PEX5L: variants seen among roughly 807,000 people sequenced by gnomAD.
The protein encoded by PEX5L is PEX5-related protein.
A neutral mutation model predicts 84.0 loss-of-function variants in PEX5L; 30 were observed. The ratio of observed to expected loss-of-function variants is 0.36; its 90% CI spans 0.27 to 0.48. The LOEUF (loss-of-function observed/expected upper bound fraction) is 0.48. Ranked by LOEUF, PEX5L falls within the 20% of genes least tolerant of loss-of-function variation. The pLI is 0.99. For missense variants in PEX5L, 533 were observed against 754.6 expected, an observed-to-expected ratio of 0.71 and a Z score of 3.44; for synonymous variants, 270 against 283.1, an observed-to-expected ratio of 0.95 and a Z score of 0.46.
chr3:179,924,217 G>A (rs996472093), intron 2 of PEX5L, among the ~76,000 whole-genome samples: 22 of 152,256 alleles, frequency 1.4e-4, no homozygotes, highest in Non-Finnish European at 2.4e-4. Flanking sequence ...TAGCTCAGCT[G>A]ATACCTGTCT....
At chr3:180,034,894 C>G (rs1025818243) in intron 1 of PEX5L, among the ~76,000 whole-genome samples, 1 of 152,136 alleles carries the variant, frequency 6.6e-6, no homozygotes, top group Non-Finnish European at 1.5e-5. Context: ...ATTAAACCCT[C>G]AGACATTGTT....
At chr3:179,939,466 G>A (rs552154908) in intron 2 of PEX5L, among the ~76,000 whole-genome samples, 6 of 152,280 alleles carry the variant, frequency 3.9e-5, no homozygotes, top group Admixed American at 2.6e-4. Context: ...TGTTCAGAGG[G>A]TTCAGAAGAG....
chr3:179,979,092 C>T (rs947065545), intron 1 of PEX5L, among the ~76,000 whole-genome samples: 6 of 152,116 alleles, frequency 3.9e-5, no homozygotes, highest in Admixed American at 1.3e-4. Context: ...CTTTAAGGGA[C>T]AGTACTTGGC....
chr3:179,922,385 C>T (rs1393601813), intron 2 of PEX5L, among the ~76,000 whole-genome samples: 1 of 151,918 alleles, frequency 6.6e-6, no homozygotes. Context: ...TTAAATGTGC[C>T]AGGAAGATAG....
intron 2 of PEX5L, among the ~76,000 whole-genome samples, chr3:179,968,263 A>G (rs1055976874): frequency 9.2e-5 from 14 of 152,154 alleles, no homozygotes; most frequent in Non-Finnish European, 1.6e-4. Flanking sequence ...GGCTCTAACT[A>G]AAAATAGTAA....
intron 2 of PEX5L, among the ~76,000 whole-genome samples, chr3:179,931,113 GATT>G (rs1772981161): frequency 6.6e-6 from 1 of 152,118 alleles, no homozygotes; most frequent in Non-Finnish European, 1.5e-5. Flanking sequence ...AACTTGTCTA[GATT>G]ATTAAATGTT....
At chr3:179,900,569 T>C in intron 2 of PEX5L, 1 of 780,508 alleles carries the variant, frequency 1.3e-6, no homozygotes, top group South Asian at 1.6e-5. Flanking sequence ...AAACAAAAAT[T>C]AGTCCTTTCA....
At chr3:180,025,033 T>TTTAAA (rs1359314634) in intron 1 of PEX5L, among the ~76,000 whole-genome samples, 1 of 152,200 alleles carries the variant, frequency 6.6e-6, no homozygotes, top group Admixed American at 6.5e-5. Flanking sequence ...GTCCTCCAGA[T>TTTAAA]TTAAAGAGGT....
At chr3:179,862,765 T>A (rs1229954981) in intron 7 of PEX5L, among the ~76,000 whole-genome samples, 1 of 152,142 alleles carries the variant, frequency 6.6e-6, no homozygotes, top group Non-Finnish European at 1.5e-5. Flanking sequence ...AAACACTCCC[T>A]AAAGCAATCT....
intron 7 of PEX5L, among the ~76,000 whole-genome samples, chr3:179,862,585 C>T (rs1268575942): frequency 6.6e-6 from 1 of 151,984 alleles, no homozygotes; most frequent in African/African-American, 2.4e-5. Flanking sequence ...CTTTTGGAAC[C>T]AACTCTATTG....
At position 180,017,612 on chromosome 3, in the gene PEX5L, T is replaced by G. The variant is rs186887867; in HGVS notation, c.21+18967A>C. ...GAGCCATATTTTCAAATACCCATTTTCCATATACTTTATATATAATTATAT... is the reference window on the plus strand; with the variant it reads ...GAGCCATATTTTCAAATACCCATTTGCCATATACTTTATATATAATTATAT... On this transcript the variant is annotated intron_variant, in intron 1 of 14. Transcript: ENST00000467460. 2.0e-5 allele frequency among the ~76,000 whole-genome samples: 3 copies of G among 152,134 alleles called. No individual in the cohort carries two copies. The East Asian group carries it at 5.8e-4, about 29-fold the overall frequency.
chr3:179,963,610 AT>A (rs1455171578), intron 2 of PEX5L, among the ~76,000 whole-genome samples: 1 of 152,138 alleles, frequency 6.6e-6, no homozygotes, highest in Non-Finnish European at 1.5e-5. Context: ...TACACAGACT[AT>A]TTTGTCTGAT....
Position 179,801,912 on chromosome 3 carries a change from A to T in PEX5L, c.1797T>A (p.Ser599=), listed in dbSNP as rs752327975. 6.2e-7 allele frequency: 1 copy of T among 1,614,108 alleles called. No homozygotes were observed. ...NIWAALRIAL[S]LMDQPELFQA... is the part of the protein sequence containing the mutation. The stretch of plus-strand genomic sequence containing the variant: ...GGAAGAGTTCTGGTTGGTCCATCAG[A>T]GAGAGCGCAATTCTGAGGGCAGCCC... Residue 599 remains serine (S), a synonymous_variant, in exon 15 of 15, where the codon TCT becomes TCA. Coordinates refer to ENST00000467460, the MANE Select transcript of PEX5L (RefSeq NM_016559.3).
intron 5 of PEX5L, among the ~76,000 whole-genome samples, chr3:179,876,608 T>G (rs2108744079): frequency 6.6e-6 from 1 of 152,318 alleles, no homozygotes; most frequent in South Asian, 2.1e-4. Context: ...AAACCATATT[T>G]TAGTGTATAA....
intron 2 of PEX5L, among the ~76,000 whole-genome samples, chr3:179,954,208 G>GT (rs377041928): frequency 3.4e-4 from 45 of 133,188 alleles, no homozygotes; most frequent in Middle Eastern, 3.7e-3. Context: ...ATTAGTCGGG[G>GT]GGGGGGGAAA....
At chr3:179,944,562 TC>T (rs1327414478) in intron 2 of PEX5L, among the ~76,000 whole-genome samples, 1 of 152,242 alleles carries the variant, frequency 6.6e-6, no homozygotes, top group Non-Finnish European at 1.5e-5. Context: ...TTTCCCATTC[TC>T]ATCCCTTCCT....
chr3:179,990,410 T>A (rs1051661059), intron 1 of PEX5L, among the ~76,000 whole-genome samples: 2 of 147,542 alleles, frequency 1.4e-5, no homozygotes, highest in African/African-American at 5.1e-5. Flanking sequence ...CTTTTTTTTT[T>A]CTTTCAGTGA....
intron 2 of PEX5L, among the ~76,000 whole-genome samples, chr3:179,912,319 T>C (rs1207537139): frequency 1.3e-5 from 2 of 152,112 alleles, no homozygotes; most frequent in Admixed American, 1.3e-4. Context: ...TAAATTAACA[T>C]TTAAAAGTGA....
intron 1 of PEX5L, among the ~76,000 whole-genome samples, chr3:180,004,037 G>A (rs1788653901): frequency 6.6e-6 from 1 of 152,168 alleles, no homozygotes; most frequent in Non-Finnish European, 1.5e-5. Flanking sequence ...TTTCAGTTAT[G>A]AAGACAGAGT....
Sources: gnomAD v4.1 joint callset for allele counts (sites outside exome capture counted in the v4.1 genomes callset) on GRCh38, gnomAD v4.1.1 for gene constraint, MANE v1.5 for transcripts, NCBI Gene and HGNC (gene_info 2026-07-23, HGNC 2026-07-21) for gene names.